Variants in PPIL4 observed in about 807,000 individuals in gnomAD.
The protein encoded by PPIL4 is peptidyl-prolyl cis-trans isomerase-like 4.
Under a neutral mutation model 69.1 loss-of-function variants are expected in PPIL4, and 50 were observed. That is an observed-to-expected ratio of 0.72 (90% confidence interval 0.58 to 0.92). PPIL4 has a LOEUF of 0.92. Ranked by LOEUF, PPIL4 falls within the 40% of genes least tolerant of loss-of-function variation. The pLI is 0.00. For missense variants in PPIL4, 480 were observed against 587.9 expected (o/e 0.82, Z 1.90); for synonymous variants, 193 against 191.6 (o/e 1.01, Z -0.06).
intron 12 of PPIL4, among the ~76,000 whole-genome samples, chr6:149,506,852 C>T (rs1334603197): frequency 3.9e-5 from 6 of 152,170 alleles, no homozygotes; most frequent in South Asian, 4.1e-4. Flanking sequence ...CCCACCTCGG[C>T]CTCCCAAAGT....
Position 149,541,317 on chromosome 6 carries a change from G to GTAAATAAATAAA in PPIL4, c.203+38_203+49dup, listed in dbSNP as rs146577244. 262 of 757,270 alleles carry GTAAATAAATAAA rather than the reference G, an allele frequency of 3.5e-4. 1 individual carries two copies. The African/African-American group carries it at 4.1e-3, about 12-fold the overall frequency. 46.9% of individuals were successfully genotyped at this position (757,270 alleles called of 1,614,324 possible). Reference sequence around the variant, plus strand: ...TGTTCTGCCCTTCCAGAGGTTAAAAGTAAATAAATAAATAAATAAATAAAT... The same window carrying GTAAATAAATAAA: ...TGTTCTGCCCTTCCAGAGGTTAAAAGTAAATAAATAAATAAATAAATAAATAAATAAATAAAT... On this transcript the variant is annotated intron_variant, in intron 3 of 12. Transcript: ENST00000253329.
intron 9 of PPIL4, 47 bp from the exon 10 acceptor site, chr6:149,521,218 T>C (rs1296453196): frequency 9.0e-7 from 1 of 1,110,454 alleles, no homozygotes; most frequent in Non-Finnish European, 1.3e-6. Flanking sequence ...ATGGAAAAGA[T>C]TTCTGTAGCT....
rs943409328 is a variant in PPIL4, at chr6:149,517,373, T to C, written c.1060A>G (p.Lys354Glu). Residue 354 changes from lysine to glutamate, a missense_variant, in exon 11 of 13, where the codon AAA becomes GAA. Coordinates refer to ENST00000253329, the MANE Select transcript of PPIL4 (RefSeq NM_139126.4). ...GGATACTCCTGTTTGGGCTTTACTT[T>C]ATCTTTCAGAACCAAATTAGGTGGT... Reference protein sequence around the residue: ...DKPPNLVLKDKVKPKQDTKYD... With the variant: ...DKPPNLVLKDEVKPKQDTKYD... 2 of 1,598,830 alleles carry C rather than the reference T, an allele frequency of 1.3e-6. No individual in the cohort carries two copies. The highest frequency in any genetic ancestry group is 2.2e-5 in the East Asian group (1 of 44,698).
intron 4 of PPIL4, among the ~76,000 whole-genome samples, chr6:149,540,448 C>G (rs1562262910): frequency 6.6e-6 from 1 of 152,174 alleles, no homozygotes. Context: ...AACCCCGTCT[C>G]TACTAAAAAT....
At chr6:149,539,007 G>A (rs1777320990) in intron 4 of PPIL4, among the ~76,000 whole-genome samples, 2 of 151,914 alleles carry the variant, frequency 1.3e-5, no homozygotes, top group South Asian at 4.2e-4. Context: ...CCACCACGCC[G>A]AGCTAATTTT....
At chr6:149,537,232 C>T (rs929720964) in intron 4 of PPIL4, among the ~76,000 whole-genome samples, 6 of 151,978 alleles carry the variant, frequency 3.9e-5, no homozygotes, top group Admixed American at 2.6e-4. Context: ...TCCATGAAGA[C>T]GAAACAGCCT....
chr6:149,524,430 A>T (rs944073064), intron 9 of PPIL4, among the ~76,000 whole-genome samples: 1 of 152,246 alleles, frequency 6.6e-6, no homozygotes, highest in East Asian at 1.9e-4. Context: ...AAGACCTAGA[A>T]AGAACGGTTA....
chr6:149,535,529 CACT>C, intron 5 of PPIL4, 64 bp downstream of exon 5: 1 of 1,279,366 alleles, frequency 7.8e-7, no homozygotes, highest in Non-Finnish European at 1.1e-6. Flanking sequence ...CTATCCATAC[CACT>C]ACGTGTTAAA....
At chr6:149,513,428 TATATATATATAC>T (rs1554215984) in intron 11 of PPIL4, among the ~76,000 whole-genome samples, 1 of 127,048 alleles carries the variant, frequency 7.9e-6, no homozygotes, top group African/African-American at 3.2e-5. Context: ...TATATATATA[TATATATATATAC>T]ATATAAAAAA....
At chr6:149,532,648 CAA>C (rs909424808) in intron 7 of PPIL4, among the ~76,000 whole-genome samples, 3 of 151,822 alleles carry the variant, frequency 2.0e-5, no homozygotes, top group African/African-American at 7.3e-5. Context: ...CCTGTCTCTA[CAA>C]AAAAAATTTT....
intron 4 of PPIL4, 34 bp from the exon 5 acceptor site, chr6:149,535,772 AATAATAC>A: frequency 6.9e-7 from 1 of 1,451,846 alleles, no homozygotes. Context: ...ATACCATAAA[AATAATAC>A]ATAACTCAAA....
At position 149,505,269 on chromosome 6, in the gene PPIL4, AC is replaced by A; in HGVS notation, c.*183del. ...CAATAAAATTAGTGTAAAAAAGTATACAAAGAAAATGTTCAATTCTTTATCT... is the reference window on the plus strand; with the variant it reads ...CAATAAAATTAGTGTAAAAAAGTATAAAAGAAAATGTTCAATTCTTTATCT... On this transcript the variant is annotated 3_prime_UTR_variant, in exon 13 of 13. Transcript: ENST00000253329. 2.0e-6 allele frequency: 1 copy of A among 496,308 alleles called. No homozygotes were observed. Among genetic ancestry groups the A allele is most frequent in the East Asian group, 3.3e-5 (1 of 30,526 alleles). The allele number at this position is 496,308 out of a possible 1,614,324, so 30.7% of individuals were successfully genotyped here.
intron 9 of PPIL4, among the ~76,000 whole-genome samples, 192 bp downstream of exon 9, chr6:149,524,951 T>C (rs1477366669): frequency 1.3e-5 from 2 of 151,736 alleles, no homozygotes; most frequent in Admixed American, 1.3e-4. Context: ...CACCTGAACC[T>C]AAAGTAAAAG....
intron 1 of PPIL4, among the ~76,000 whole-genome samples, chr6:149,544,493 T>C (rs1329798071): frequency 3.3e-5 from 5 of 152,348 alleles, no homozygotes; most frequent in East Asian, 1.9e-4. Context: ...CCTGCTCTCA[T>C]TGGAGTTTAC....
chr6:149,533,305 C>G (rs1460716618), intron 7 of PPIL4, among the ~76,000 whole-genome samples, 153 bp downstream of exon 7: 4 of 152,056 alleles, frequency 2.6e-5, no homozygotes. Flanking sequence ...CACAGTAGAG[C>G]CAATTTATTA....
At chr6:149,522,675 C>T (rs1186912923) in intron 9 of PPIL4, among the ~76,000 whole-genome samples, 3 of 152,020 alleles carry the variant, frequency 2.0e-5, no homozygotes, top group East Asian at 1.9e-4. Flanking sequence ...TGCAGTGGTG[C>T]GATGCTGGCT....
At chr6:149,507,560 C>G (rs1336182671) in intron 12 of PPIL4, among the ~76,000 whole-genome samples, 1 of 152,138 alleles carries the variant, frequency 6.6e-6, no homozygotes, top group Non-Finnish European at 1.5e-5. Context: ...TTGAGACAAA[C>G]TTTTAAAATG....
rs750765344 is a variant in PPIL4, at chr6:149,505,399, CTT to C, written c.*52_*53del. ...TCTAAGCATCTGCTTTCCTGGCACT[CTT>C]AAGTTAGACAAGAGTAAATATGTTA... On this transcript the variant is annotated 3_prime_UTR_variant, in exon 13 of 13. Transcript: ENST00000253329. 6.5e-7 allele frequency: 1 copy of C among 1,543,222 alleles called. No individual in the cohort carries two copies. The highest frequency in any genetic ancestry group is 1.2e-5 in the South Asian group (1 of 80,334).
At position 149,514,833 on chromosome 6, in the gene PPIL4, A is replaced by AT. The variant is rs546149565; in HGVS notation, c.1079+2520dup. On this transcript the variant is annotated intron_variant, in intron 11 of 12. Coordinates refer to ENST00000253329, the MANE Select transcript of PPIL4 (RefSeq NM_139126.4). ...TGTATTGGGTTAAGACAAAAACTGT[A>AT]TTTTTTTTAATTTTTTTTTTGAGAC... Among the ~76,000 whole-genome samples the AT allele has an allele frequency of 7.3e-5, 11 of 150,508 alleles. No homozygotes were observed. In the East Asian group the frequency reaches 2.2e-3, roughly 29 times the overall value.
Sources: gnomAD v4.1 joint callset for allele counts (sites outside exome capture counted in the v4.1 genomes callset) on GRCh38, gnomAD v4.1.1 for gene constraint, MANE v1.5 for transcripts, NCBI Gene and HGNC (gene_info 2026-07-23, HGNC 2026-07-21) for gene names.